Variants in RFX1 observed in about 807,000 individuals in gnomAD.
RFX1 encodes the protein MHC class II regulatory factor RFX1.
RFX1 carries 42 observed loss-of-function variants against 119.6 expected under a neutral mutation model. The observed-to-expected ratio is 0.35, with a 90% CI of 0.27 to 0.45. RFX1 has a LOEUF of 0.45. Among genes scored for constraint, RFX1 ranks in the 20% least tolerant of loss-of-function variants. The pLI is 1.00. For synonymous variants in RFX1, 628 were observed against 618.5 expected (o/e 1.02, Z -0.23); for missense variants, 1,118 against 1,368.1 (o/e 0.82, Z 2.88).
chr19:13,993,373 T>C (rs182773199), intron 2 of RFX1, 152 bp downstream of exon 2: 5 of 651,858 alleles, frequency 7.7e-6, no homozygotes, highest in Admixed American at 6.9e-5. Context: ...AGAGGCCTCC[T>C]TGCATGGCTT....
At chr19:13,976,343 G>A (rs1429535741) in intron 8 of RFX1, among the ~76,000 whole-genome samples, 1 of 152,236 alleles carries the variant, frequency 6.6e-6, no homozygotes, top group Non-Finnish European at 1.5e-5. Flanking sequence ...AAAACCAAGT[G>A]AAACCTCTGG....
In RFX1 at chr19:13,962,821, C is replaced by T. The variant is rs1448655569; in HGVS notation, c.2814G>A (p.Pro938=). Residue 938 remains proline (P), a synonymous_variant, in exon 21 of 21, where the codon CCG becomes CCA. Coordinates refer to ENST00000254325, the MANE Select transcript of RFX1 (RefSeq NM_002918.5). The part of the protein sequence containing the change: ...EEEEESEDEL[P]QDISLAAGGE... ...CGCCAGCCGCCAGTGAGATGTCCTG[C>T]GGCAGCTCGTCCTCGCTCTCCTCCT... 1 of 1,529,452 alleles carries T rather than the reference C, an allele frequency of 6.5e-7. No homozygotes were observed. Among genetic ancestry groups the T allele is most frequent in the Admixed American group, 2.0e-5 (1 of 49,624 alleles). 94.7% of individuals were successfully genotyped at this position (1,529,452 alleles called of 1,614,324 possible).
In RFX1 at chr19:13,970,113, G is replaced by A. The variant is rs1192875734; in HGVS notation, c.1377C>T (p.Leu459=). Residue 459 remains leucine, a synonymous_variant, in exon 10 of 21, where the codon CTC becomes CTT. Transcript: ENST00000254325. ...GGCAGTGCAGTAAGTAGTGGCAGTA[G>A]AGGGTGCTCCGTGGCAGACTCACGC... ...AEGVSLPRST[L]YCHYLLHCQE... 6.2e-7 allele frequency: 1 copy of A among 1,614,026 alleles called. No homozygotes were observed. The highest frequency in any genetic ancestry group is 1.7e-5 in the Admixed American group (1 of 60,012).
At chr19:14,000,806 A>G (rs1481943598) in intron 1 of RFX1, among the ~76,000 whole-genome samples, 2 of 152,078 alleles carry the variant, frequency 1.3e-5, no homozygotes, top group African/African-American at 2.4e-5. Context: ...TCTTTAAAAT[A>G]TATCCTGGAC....
At chr19:13,976,220 G>A (rs8100244) in intron 8 of RFX1, among the ~76,000 whole-genome samples, 4,212 of 152,278 alleles carry the variant, frequency 0.028, 200 homozygotes, top group African/African-American at 0.092. Context: ...CACTGGGGTC[G>A]GTCAGAGCAT....
chr19:13,972,957 G>A lies in RFX1; in HGVS notation c.1100C>T (p.Ala367Val), dbSNP rs1283892650. ...CCCAGCCCCAGTGCTGGTGGAGCTGGCGACGACCTGGCTGCCGGACACGTA... is the reference window on the plus strand; with the variant it reads ...CCCAGCCCCAGTGCTGGTGGAGCTGACGACGACCTGGCTGCCGGACACGTA... ...PMYVSGSQVVASSTSTGAGAS... is the reference protein window; with the variant it reads ...PMYVSGSQVVVSSTSTGAGAS... Residue 367 changes from alanine to valine, a missense_variant, in exon 9 of 21, where the codon GCC (alanine) becomes GTC (valine). By Grantham distance (64) the Ala-to-Val change is moderately conservative (BLOSUM62 0). Transcript: ENST00000254325. 2 of 1,599,270 alleles carry A rather than the reference G, an allele frequency of 1.3e-6. No homozygotes were observed. Among genetic ancestry groups the A allele is most frequent in the Non-Finnish European group, 8.5e-7 (1 of 1,179,464 alleles).
Position 13,978,058 on chromosome 19 carries a change from G to A in RFX1, c.863C>T (p.Pro288Leu), listed in dbSNP as rs1974306410. ...EVQQLQQVPV[P>L]HVYSSQVQYV... The stretch of plus-strand genomic sequence containing the variant: ...CTGCACCTGGCTGGAGTACACGTGT[G>A]GGACGGGCACCTGCTGGAGCTGCTG... Residue 288 changes from proline to leucine, a missense_variant, in exon 8 of 21, where the codon CCA becomes CTA. By Grantham distance (98) the Pro-to-Leu change is moderately conservative. This residue lies in a region of RFX1 where 542 missense variants were observed against 602.7 expected (regional missense o/e 0.90). Transcript: ENST00000254325. The A allele has an allele frequency of 6.2e-7, 1 of 1,613,506 alleles. No individual in the cohort carries two copies. Among genetic ancestry groups the A allele is most frequent in the Non-Finnish European group, 8.5e-7 (1 of 1,179,798 alleles).
rs1484946405 is a variant in RFX1, at chr19:13,969,174, AG to A, written c.1497-281del. On this transcript the variant is annotated intron_variant, in intron 10 of 20. Transcript: ENST00000254325. This position sits in a 1 kb window ranked among gnomAD's most constrained non-coding sequence, Gnocchi z 4.5. ...GGAATGGGAACCGAGACGTGAGCGG[AG>A]GTGAGCCATGGGGGTTGCAAAGGAG... Among the ~76,000 whole-genome samples the A allele has an allele frequency of 2.0e-4, 31 of 152,034 alleles. No homozygotes were observed. The highest frequency in any genetic ancestry group is 2.5e-4 in the Non-Finnish European group (17 of 67,988).
chr19:14,000,262 G>C (rs1975170620), intron 1 of RFX1, among the ~76,000 whole-genome samples: 1 of 152,120 alleles, frequency 6.6e-6, no homozygotes, highest in African/African-American at 2.4e-5. Context: ...GAGGCGGGCG[G>C]ATCATTTGAG....
intron 1 of RFX1, among the ~76,000 whole-genome samples, chr19:13,994,761 T>TG (rs1568481148): frequency 8.0e-6 from 1 of 125,424 alleles, no homozygotes; most frequent in African/African-American, 2.9e-5. Context: ...GTGTGTGTAT[T>TG]TTTTTACTTA....
Position 13,963,173 on chromosome 19 carries a change from C to T in RFX1, c.2673G>A (p.Glu891=). The change falls in exon 19 of 21, where the codon GAG becomes GAA. Residue 891 remains glutamate, a synonymous_variant. Coordinates refer to ENST00000254325, the MANE Select transcript of RFX1 (RefSeq NM_002918.5). ...LYDEYMYYLI[E]HRVAQAKGET... is the part of the protein sequence containing the mutation. ...CGCCCTTGGCCTGGGCTACGCGGTG[C>T]TCGATCAGGTAGTACATGTACTCGT... 6.2e-7 allele frequency: 1 copy of T among 1,612,636 alleles called. No homozygotes were observed. The highest frequency in any genetic ancestry group is 1.3e-5 in the African/African-American group (1 of 75,022).
rs1974381244 is a variant in RFX1, at chr19:13,980,129, A to G, written c.738+444T>C. ...AACCCCCTCAACTTCAGTGGTAACA[A>G]CCAGATGGTGCGCAGCCCCAGCATC... On this transcript the variant is annotated intron_variant, in intron 6 of 20. Transcript: ENST00000254325. The surrounding 1 kb of genome is among the most constrained non-coding windows in gnomAD (Gnocchi z 5.1). Among the ~76,000 whole-genome samples, 1 of 152,152 alleles carries G rather than the reference A, an allele frequency of 6.6e-6. No homozygotes were observed. The highest frequency in any genetic ancestry group is 2.4e-5 in the African/African-American group (1 of 41,422).
At chr19:13,979,991 C>T (rs1019822288) in intron 6 of RFX1, among the ~76,000 whole-genome samples, 17 of 151,544 alleles carry the variant, frequency 1.1e-4, no homozygotes, top group African/African-American at 3.6e-4. Context: ...TCTGGAGGTT[C>T]GGGGGGGCTC....
rs1178347338 is a variant in RFX1 at position 13,993,743 on chromosome 19, G to T, written c.101C>A (p.Pro34His). ...QAQPQPPPPP[P>H]PAAPQPPQPP... is the part of the protein sequence containing the mutation. ...CTGCGGGGGCTGGGGTGCCGCTGGG[G>T]GTGGTGGCGGTGGCGGCTGGGGCTG... The change falls in exon 2 of 21, where the codon CCC (proline) becomes CAC (histidine). Residue 34 changes from proline to histidine, a missense_variant. This residue lies in a region of RFX1 where 542 missense variants were observed against 602.7 expected (regional missense o/e 0.90). Transcript: ENST00000254325. 1 of 1,595,860 alleles carries T rather than the reference G, an allele frequency of 6.3e-7. No individual in the cohort carries two copies. The highest frequency in any genetic ancestry group is 8.5e-7 in the Non-Finnish European group (1 of 1,172,224).
In RFX1 at chr19:13,972,848, G is replaced by C. The variant is rs375616246; in HGVS notation, c.1209C>G (p.Thr403=). ...GGGGGGGSGS[T]GGGGSGAGTY... is the part of the protein sequence containing the mutation. ...TGCCTGCTCCGCTGCCGCCGCCTCC[G>C]GTGCTGCCACTGCCACCCCCGCCAC... The change falls in exon 9 of 21, where the codon ACC becomes ACG. Residue 403 remains threonine, a synonymous_variant. Transcript: ENST00000254325. 1 of 1,576,814 alleles carries C rather than the reference G, an allele frequency of 6.3e-7. No individual in the cohort carries two copies. Among genetic ancestry groups the C allele is most frequent in the Non-Finnish European group, 8.6e-7 (1 of 1,164,414 alleles).
intron 2 of RFX1, 37 bp downstream of exon 2, chr19:13,993,488 G>A (rs1411344982): frequency 1.9e-6 from 3 of 1,581,866 alleles, no homozygotes; most frequent in Non-Finnish European, 1.7e-6. Flanking sequence ...GAACAACTCT[G>A]AGAGGAGTTT....
At chr19:14,005,142 AG>A (rs1205780167) in intron 1 of RFX1, among the ~76,000 whole-genome samples, 1 of 152,216 alleles carries the variant, frequency 6.6e-6, no homozygotes, top group Non-Finnish European at 1.5e-5. Context: ...TTCCATCTCC[AG>A]GAACAAACCC....
At position 13,963,107 on chromosome 19, in the gene RFX1, G is replaced by A; in HGVS notation, c.2724+15C>T. 1 of 1,609,964 alleles carries A rather than the reference G, an allele frequency of 6.2e-7. No homozygotes were observed. The highest frequency in any genetic ancestry group is 8.5e-7 in the Non-Finnish European group (1 of 1,178,018). ...TGGCGCCCCGCCCGCGCCCCCAGTG[G>A]CCCGCCTCGCGCACCTCGCCCATGA... is the stretch of plus-strand genomic sequence containing the variant. On this transcript the variant is annotated intron_variant, in intron 19 of 20. Coordinates refer to ENST00000254325, the MANE Select transcript of RFX1 (RefSeq NM_002918.5).
intron 1 of RFX1, among the ~76,000 whole-genome samples, chr19:14,005,467 G>C (rs1975340074): frequency 6.6e-6 from 1 of 152,198 alleles, no homozygotes; most frequent in Admixed American, 6.5e-5. Flanking sequence ...AAGGTTCAAA[G>C]ATAAGCCGTA....
Sources: gnomAD v4.1 joint callset for allele counts (sites outside exome capture counted in the v4.1 genomes callset) on GRCh38, gnomAD v4.1.1 for gene constraint, gnomAD v4.1.1 regional missense constraint, Gnocchi (gnomAD v3.1) non-coding constraint, MANE v1.5 for transcripts, NCBI Gene and HGNC (gene_info 2026-07-23, HGNC 2026-07-21) for gene names.